NLRP5: variants seen among roughly 807,000 people sequenced by gnomAD.
The protein encoded by NLRP5 is NACHT, LRR and PYD domains-containing protein 5.
In NLRP5, 93 loss-of-function variants were observed where a neutral mutation model predicts 113.1. That is an observed-to-expected ratio of 0.82 (90% CI 0.70 to 0.98). NLRP5 has a LOEUF of 0.98. NLRP5 is among the 50% of genes least tolerant of loss of function. The pLI, the probability that NLRP5 is intolerant of heterozygous loss-of-function variation, is 0.00. For missense variants in NLRP5, 1,808 were observed against 1,514.3 expected, an observed-to-expected ratio of 1.19 and a Z score of -3.22; for synonymous variants, 751 against 600.7, an observed-to-expected ratio of 1.25 and a Z score of -3.66.
intron 7 of NLRP5, among the ~76,000 whole-genome samples, chr19:56,030,369 CA>C (rs543153122): frequency 4.5e-4 from 65 of 145,042 alleles, no homozygotes; most frequent in East Asian, 6.0e-4. Flanking sequence ...GACTCTATCT[CA>C]AAAAAAAAAA....
At chr19:56,046,985 C>T (rs1264176001) in intron 11 of NLRP5, among the ~76,000 whole-genome samples, 1 of 152,158 alleles carries the variant, frequency 6.6e-6, no homozygotes, top group Non-Finnish European at 1.5e-5. Flanking sequence ...AGGGTTGGAT[C>T]TTTCTAGGAA....
rs774840665 is a variant in NLRP5 at position 56,053,824 on chromosome 19, G to T, written c.3299+16G>T. On this transcript the variant is annotated intron_variant, in intron 13 of 14. Transcript: ENST00000390649. ...CGAGACTCGGGTAACTTCCTGGGGC[G>T]CCTCTTTGCGGGCCGGGCTGGGAGG... 1.2e-6 allele frequency: 2 copies of T among 1,609,482 alleles called. No homozygotes were observed. Among genetic ancestry groups the T allele is most frequent in the East Asian group, 2.2e-5 (1 of 44,766 alleles).
chr19:56,059,850 G>C lies in NLRP5; in HGVS notation c.3470+1440G>C, dbSNP rs1157814633. ...TCCTTGTGGTATATTTATATCAATA[G>C]AAAATTTCTCAGTTGAGTAACTGTT... On this transcript the variant is annotated intron_variant, in intron 14 of 14. Coordinates refer to ENST00000390649, the MANE Select transcript of NLRP5 (RefSeq NM_153447.4). 2.0e-5 allele frequency among the ~76,000 whole-genome samples: 3 copies of C among 152,308 alleles called. No homozygotes were observed. The South Asian group carries it at 6.2e-4, about 32-fold the overall frequency.
intron 1 of NLRP5, chr19:55,999,849 A>G: frequency 8.0e-7 from 1 of 1,254,290 alleles, no homozygotes; most frequent in Non-Finnish European, 1.2e-6. Flanking sequence ...ACCATGACAC[A>G]CGGATCGAAT....
chr19:55,998,728 A>ATATG (rs1262553481), upstream of NLRP5, among the ~76,000 whole-genome samples: 2 of 130,312 alleles, frequency 1.5e-5, no homozygotes, highest in African/African-American at 6.5e-5. Context: ...ATATATATAT[A>ATATG]TGTGTATATA....
intron 1 of NLRP5, among the ~76,000 whole-genome samples, chr19:56,002,051 T>G (rs1981675183): frequency 6.6e-6 from 1 of 152,194 alleles, no homozygotes; most frequent in African/African-American, 2.4e-5. Flanking sequence ...AATGTCATCA[T>G]AGACCAGGCT....
At chr19:55,993,035 G>T in the NLRP5 span, among the ~76,000 whole-genome samples, 2 of 151,854 alleles carry the variant, frequency 1.3e-5, no homozygotes, top group Non-Finnish European at 2.9e-5. Flanking sequence ...TTTTAGTAGA[G>T]ATGGGGTTTC....
chr19:56,010,351 G>C (rs1230933845), intron 3 of NLRP5, among the ~76,000 whole-genome samples: 1 of 152,158 alleles, frequency 6.6e-6, no homozygotes, highest in East Asian at 1.9e-4. Context: ...CACGTACAAA[G>C]ATGAAGGCCA....
At chr19:56,018,013 C>T (rs182131591) in intron 4 of NLRP5, among the ~76,000 whole-genome samples, 4 of 152,248 alleles carry the variant, frequency 2.6e-5, no homozygotes, top group South Asian at 2.1e-4. Flanking sequence ...GGTCTCTACC[C>T]GTAATATATG....
intron 11 of NLRP5, among the ~76,000 whole-genome samples, chr19:56,045,561 G>A (rs1461891539): frequency 2.0e-5 from 3 of 151,718 alleles, no homozygotes; most frequent in East Asian, 1.9e-4. Flanking sequence ...TCCCTCCTCC[G>A]ACCCCACAAC....
rs1405389360 is a variant in NLRP5, at chr19:56,032,784, A to G, written c.2447+3A>G. The G allele has an allele frequency of 6.2e-7, 1 of 1,601,946 alleles. No individual in the cohort carries two copies. Among genetic ancestry groups the G allele is most frequent in the South Asian group, 1.1e-5 (1 of 89,226 alleles). On this transcript the variant is annotated splice_donor_region_variant and intron_variant, in intron 8 of 14. Coordinates refer to ENST00000390649, the MANE Select transcript of NLRP5 (RefSeq NM_153447.4). ...ACCTGCAAGATACAGACCCTGATGT[A>G]AGGCTGCCCGCCCCCTACGAGAGAA...
chr19:56,004,064 CCT>C lies in NLRP5; in HGVS notation c.415_416del (p.Ser139GlyfsTer6). ...TCTTTGAAAACATGAACCTGCGAAC[CCT>C]CTCGGAGAAGGCACGGGATGACATG... On this transcript the variant is annotated frameshift_variant, in exon 2 of 15. Coordinates refer to ENST00000390649, the MANE Select transcript of NLRP5 (RefSeq NM_153447.4). LOFTEE classifies it high-confidence loss of function. The C allele has an allele frequency of 5.6e-6, 9 of 1,612,132 alleles. No individual in the cohort carries two copies. Among genetic ancestry groups the C allele is most frequent in the Non-Finnish European group, 7.6e-6 (9 of 1,178,914 alleles).
At chr19:55,989,598 C>A in the NLRP5 span, among the ~76,000 whole-genome samples, 1 of 152,054 alleles carries the variant, frequency 6.6e-6, no homozygotes, top group Admixed American at 6.6e-5. Context: ...GAAGGTGTGG[C>A]GGGAAGTGTG....
At chr19:55,991,836 A>G in the NLRP5 span, among the ~76,000 whole-genome samples, 1 of 152,230 alleles carries the variant, frequency 6.6e-6, no homozygotes, top group African/African-American at 2.4e-5. Context: ...GGGAGAGAGT[A>G]CAAAACTGAA....
intron 12 of NLRP5, among the ~76,000 whole-genome samples, chr19:56,051,948 C>A (rs1004789858): frequency 7.2e-5 from 11 of 152,234 alleles, no homozygotes; most frequent in African/African-American, 2.4e-4. Context: ...CTGAGTGCCC[C>A]CAAGTATTAA....
At chr19:55,996,292 G>T (rs1372385919), upstream of NLRP5, among the ~76,000 whole-genome samples, 2 of 152,014 alleles carry the variant, frequency 1.3e-5, no homozygotes, top group African/African-American at 4.8e-5. Context: ...GGCCTTTATT[G>T]TTCTGAGTTA....
intron 11 of NLRP5, among the ~76,000 whole-genome samples, chr19:56,045,284 A>G (rs962695980): frequency 3.3e-5 from 5 of 152,190 alleles, no homozygotes; most frequent in African/African-American, 7.2e-5. Flanking sequence ...TTTGTTATGC[A>G]TGCATCTAAG....
Position 56,007,385 on chromosome 19 carries a change from C to G in NLRP5, c.443-1403C>G, listed in dbSNP as rs645588. Among the ~76,000 whole-genome samples, 44 of 148,014 alleles carry G rather than the reference C, an allele frequency of 3.0e-4. 1 individual carries two copies. Among genetic ancestry groups the G allele is most frequent in the African/African-American group, 1.0e-3 (40 of 39,324 alleles). On this transcript the variant is annotated intron_variant, in intron 2 of 14. Transcript: ENST00000390649. ...TTTTTTTTTTTTATAGAAAGTCTTACAGTTCCTATTCCAGATGAGAGGGAA... is the reference window on the plus strand; with the variant it reads ...TTTTTTTTTTTTATAGAAAGTCTTAGAGTTCCTATTCCAGATGAGAGGGAA...
Position 56,061,612 on chromosome 19 carries a change from A to C in NLRP5, c.*84A>C. 1 of 1,427,464 alleles carries C rather than the reference A, an allele frequency of 7.0e-7. No individual in the cohort carries two copies. Among genetic ancestry groups the C allele is most frequent in the Non-Finnish European group, 9.8e-7 (1 of 1,024,740 alleles). The allele number at this position is 1,427,464 out of a possible 1,614,324, so 88.4% of individuals were successfully genotyped here. A position where few individuals can be genotyped will look rare whatever the true frequency, so the allele number is the denominator to read the frequency against. The stretch of plus-strand genomic sequence containing the variant: ...TCTCAGAGCAAGCTATGCACCTGGG[A>C]GTTCCTTCTCAAAGATGGAGAATGA... On this transcript the variant is annotated 3_prime_UTR_variant, in exon 15 of 15. Transcript: ENST00000390649.
Sources: allele counts gnomAD v4.1 joint callset (sites outside exome capture counted in the v4.1 genomes callset), GRCh38; gene constraint gnomAD v4.1.1; transcripts MANE v1.5; gene names NCBI Gene and HGNC (gene_info 2026-07-23, HGNC 2026-07-21).